The following GNAQ variants were observed in gnomAD, a reference collection of about 807,000 sequenced individuals.
The protein encoded by GNAQ is guanine nucleotide-binding protein G(q) subunit alpha.
GNAQ carries 8 observed loss-of-function variants against 43.9 expected under a neutral mutation model. That is an observed-to-expected ratio of 0.18 (90% CI 0.11 to 0.33). GNAQ has a LOEUF of 0.33. GNAQ is among the 10% of genes least tolerant of loss of function. The probability of loss-of-function intolerance (pLI) is 1.00; values close to 1 mark genes in which losing one functional copy is unlikely to be tolerated. For synonymous variants in GNAQ, 155 were observed against 170.7 expected, an observed-to-expected ratio of 0.91 and a Z score of 0.71; for missense variants, 158 against 450.8, an observed-to-expected ratio of 0.35 and a Z score of 5.88.
Position 77,866,448 on chromosome 9 carries a change from TAAA to T in GNAQ, c.322-50681_322-50679del, listed in dbSNP as rs1184826778. 3.9e-5 allele frequency among the ~76,000 whole-genome samples: 6 copies of T among 152,162 alleles called. No individual in the cohort carries two copies. The East Asian group carries it at 1.2e-3, about 29-fold the overall frequency. On this transcript the variant is annotated intron_variant, in intron 2 of 6. Coordinates refer to ENST00000286548, the MANE Select transcript of GNAQ (RefSeq NM_002072.5). ...GCTGAGTACTGTCTCAAAAAATAAA[TAAA>T]TAATTAAAAATTAAAAATTAAAACT...
intron 2 of GNAQ, among the ~76,000 whole-genome samples, chr9:77,821,088 A>G (rs1198334706): frequency 6.6e-6 from 1 of 152,258 alleles, no homozygotes; most frequent in Admixed American, 6.5e-5. Flanking sequence ...GTTAGAGAAG[A>G]AAGTTTATTA....
At chr9:78,020,791 T>G (rs1420125435) in intron 1 of GNAQ, among the ~76,000 whole-genome samples, 1 of 152,132 alleles carries the variant, frequency 6.6e-6, no homozygotes, top group Admixed American at 6.5e-5. Context: ...TTACCCTATG[T>G]CTGTTCTTTT....
At chr9:77,809,646 A>G (rs1564117105) in intron 3 of GNAQ, among the ~76,000 whole-genome samples, 1 of 152,210 alleles carries the variant, frequency 6.6e-6, no homozygotes, top group Non-Finnish European at 1.5e-5. Flanking sequence ...AATTCACCAA[A>G]TTAAGGCCAA....
intron 2 of GNAQ, among the ~76,000 whole-genome samples, chr9:77,831,367 A>T (rs754932203): frequency 4.6e-4 from 70 of 152,332 alleles, no homozygotes; most frequent in Non-Finnish European, 7.2e-4. Flanking sequence ...GGCAGTCTAC[A>T]CTGGGCATTC....
At chr9:77,947,847 C>A (rs1199767419) in intron 1 of GNAQ, among the ~76,000 whole-genome samples, 1 of 152,190 alleles carries the variant, frequency 6.6e-6, no homozygotes, top group African/African-American at 2.4e-5. Context: ...TCTCAGAGCA[C>A]AGGTGTCAGA....
chr9:77,742,746 G>A (rs1299905010), intron 5 of GNAQ, among the ~76,000 whole-genome samples: 3 of 152,140 alleles, frequency 2.0e-5, no homozygotes, highest in Admixed American at 1.3e-4. Context: ...GACACAATCA[G>A]CTCCTTCTAT....
At chr9:77,844,035 A>T (rs1827534713) in intron 2 of GNAQ, among the ~76,000 whole-genome samples, 1 of 152,206 alleles carries the variant, frequency 6.6e-6, no homozygotes, top group African/African-American at 2.4e-5. Context: ...CCACGGAGAC[A>T]GTAAAAGACA....
intron 2 of GNAQ, among the ~76,000 whole-genome samples, chr9:77,877,661 T>C (rs1234298721): frequency 6.6e-6 from 1 of 152,222 alleles, no homozygotes; most frequent in Non-Finnish European, 1.5e-5. Flanking sequence ...GATCCCATTC[T>C]GTACTTAAAA....
chr9:77,900,336 G>A (rs1185883164), intron 2 of GNAQ, among the ~76,000 whole-genome samples: 1 of 152,172 alleles, frequency 6.6e-6, no homozygotes, highest in Non-Finnish European at 1.5e-5. Context: ...ATATTTTACT[G>A]CAATAGAAGC....
At chr9:77,980,226 T>C (rs1225985601) in intron 1 of GNAQ, among the ~76,000 whole-genome samples, 1 of 152,176 alleles carries the variant, frequency 6.6e-6, no homozygotes. Context: ...GAAGGCAGAC[T>C]GTGATGTGTA....
At chr9:78,029,728 T>C (rs1340204099) in intron 1 of GNAQ, among the ~76,000 whole-genome samples, 1 of 152,206 alleles carries the variant, frequency 6.6e-6, no homozygotes, top group Non-Finnish European at 1.5e-5. Flanking sequence ...CCAAAGGCAA[T>C]TGGTTCCTTG....
intron 5 of GNAQ, among the ~76,000 whole-genome samples, chr9:77,768,043 T>G (rs1221272827): frequency 6.6e-6 from 1 of 152,238 alleles, no homozygotes; most frequent in African/African-American, 2.4e-5. Flanking sequence ...TCAGGGACTG[T>G]GCTAAATATT....
intron 2 of GNAQ, among the ~76,000 whole-genome samples, chr9:77,856,800 C>T (rs535827976): frequency 3.9e-5 from 6 of 152,006 alleles, no homozygotes; most frequent in African/African-American, 9.7e-5. Context: ...TGTATTAAGC[C>T]GTTATTACTT....
At chr9:77,998,984 CG>C (rs1211793783) in intron 1 of GNAQ, among the ~76,000 whole-genome samples, 1 of 144,018 alleles carries the variant, frequency 6.9e-6, no homozygotes, top group Admixed American at 7.2e-5. Flanking sequence ...CCAGCTACTT[CG>C]GGGGGCTGAG....
intron 1 of GNAQ, among the ~76,000 whole-genome samples, chr9:77,929,967 G>T (rs1325149065): frequency 1.3e-5 from 2 of 152,104 alleles, no homozygotes. Flanking sequence ...ACAACATAAA[G>T]ATGTGTGATA....
intron 2 of GNAQ, among the ~76,000 whole-genome samples, chr9:77,842,645 G>C (rs569462765): frequency 6.6e-6 from 1 of 152,230 alleles, no homozygotes; most frequent in African/African-American, 2.4e-5. Flanking sequence ...TGAGGATGCT[G>C]AGACACTGAG....
At chr9:77,945,461 C>T (rs374846971) in intron 1 of GNAQ, among the ~76,000 whole-genome samples, 5 of 152,138 alleles carry the variant, frequency 3.3e-5, no homozygotes, top group South Asian at 2.1e-4. Context: ...TAGGTCAAAA[C>T]GGCCCTCCAT....
chr9:77,723,215 C>A (rs1269223647), intron 6 of GNAQ, among the ~76,000 whole-genome samples: 1 of 152,222 alleles, frequency 6.6e-6, no homozygotes, highest in Admixed American at 6.5e-5. Flanking sequence ...GACCTCTCCA[C>A]ATCTACTAGC....
intron 1 of GNAQ, among the ~76,000 whole-genome samples, chr9:77,976,970 C>T (rs1479506696): frequency 2.6e-5 from 4 of 152,158 alleles, no homozygotes; most frequent in Non-Finnish European, 5.9e-5. Flanking sequence ...TTGCAAGCAT[C>T]AAGCACTAGA....
Sources: allele counts gnomAD v4.1 joint callset (sites outside exome capture counted in the v4.1 genomes callset), GRCh38; gene constraint gnomAD v4.1.1; transcripts MANE v1.5; gene names NCBI Gene and HGNC (gene_info 2026-07-23, HGNC 2026-07-21).